TAFA2: variants seen among roughly 807,000 people sequenced by gnomAD.
The protein encoded by TAFA2 is chemokine-like protein TAFA-2.
In TAFA2, 7 loss-of-function variants were observed where a neutral mutation model predicts 18.8. The ratio of observed to expected loss-of-function variants is 0.37; its 90% confidence interval spans 0.21 to 0.70. TAFA2 has a LOEUF of 0.70. TAFA2 is among the 30% of genes least tolerant of loss of function. TAFA2 has a pLI of 0.53. For synonymous variants in TAFA2, 60 were observed against 54.2 expected (o/e 1.11, Z -0.47); for missense variants, 122 against 158.1 (o/e 0.77, Z 1.23).
At chr12:61,844,561 A>G (rs1037873611) in intron 2 of TAFA2, among the ~76,000 whole-genome samples, 1 of 152,136 alleles carries the variant, frequency 6.6e-6, no homozygotes, top group African/African-American at 2.4e-5. Flanking sequence ...TATAGGAATT[A>G]GGTTTTAAAG....
Position 61,716,188 on chromosome 12 carries a change from G to A in TAFA2, c.385-5771C>T, listed in dbSNP as rs190931755. Among the ~76,000 whole-genome samples, 558 of 152,260 alleles carry A rather than the reference G, an allele frequency of 3.7e-3. 1 individual carries two copies. Among genetic ancestry groups the A allele is most frequent in the Middle Eastern group, 0.01 (3 of 294 alleles). On this transcript the variant is annotated intron_variant, in intron 4 of 4. Transcript: ENST00000416284. The stretch of plus-strand genomic sequence containing the variant: ...ATGTGTAAATTTTTGGCCATCCAAT[G>A]TATTAAATTCCCAGGTTTTGCCTCT...
intron 1 of TAFA2, among the ~76,000 whole-genome samples, chr12:62,054,417 G>A (rs1882134531): frequency 6.6e-6 from 1 of 152,140 alleles, no homozygotes; most frequent in South Asian, 2.1e-4. Flanking sequence ...TCGAATCTAA[G>A]TCTGAGATCA....
chr12:61,878,071 T>C, intron 1 of TAFA2: 1 of 455,382 alleles, frequency 2.2e-6, no homozygotes, highest in Non-Finnish European at 4.4e-6. Flanking sequence ...TGTGTGGTCC[T>C]ACTTACATGA....
intron 1 of TAFA2, among the ~76,000 whole-genome samples, chr12:62,118,145 C>T (rs1401709934): frequency 6.6e-6 from 1 of 152,112 alleles, no homozygotes; most frequent in East Asian, 1.9e-4. Flanking sequence ...TCATTATTCC[C>T]TTTATTCCCT....
chr12:62,075,025 GACT>G (rs1882726791), intron 1 of TAFA2, among the ~76,000 whole-genome samples: 1 of 152,022 alleles, frequency 6.6e-6, no homozygotes, highest in African/African-American at 2.4e-5. Context: ...AAGATTTAAT[GACT>G]ACAAGAAACT....
At chr12:61,871,121 T>A (rs114612703) in intron 1 of TAFA2, among the ~76,000 whole-genome samples, 1 of 152,030 alleles carries the variant, frequency 6.6e-6, no homozygotes, top group Admixed American at 6.5e-5. Flanking sequence ...CGGGGGGGCA[T>A]GCAACAAGAC....
intron 1 of TAFA2, among the ~76,000 whole-genome samples, chr12:61,997,985 G>A (rs578218848): frequency 6.6e-6 from 1 of 152,132 alleles, no homozygotes; most frequent in African/African-American, 2.4e-5. Context: ...AAATAACTTA[G>A]ATCGATCCCC....
At chr12:62,167,154 T>C (rs2062446466) in intron 1 of TAFA2, among the ~76,000 whole-genome samples, 1 of 152,128 alleles carries the variant, frequency 6.6e-6, no homozygotes, top group Non-Finnish European at 1.5e-5. Flanking sequence ...TGTATTTATG[T>C]ATATATTTTT....
intron 4 of TAFA2, among the ~76,000 whole-genome samples, chr12:61,744,902 T>A (rs1323185375): frequency 6.6e-6 from 1 of 152,110 alleles, no homozygotes; most frequent in African/African-American, 2.4e-5. Flanking sequence ...GTGTCCTGTC[T>A]ACCTTGAACT....
chr12:62,060,867 G>A (rs1882329368), intron 1 of TAFA2, among the ~76,000 whole-genome samples: 1 of 151,706 alleles, frequency 6.6e-6, no homozygotes, highest in Non-Finnish European at 1.5e-5. Flanking sequence ...TATAGAATAA[G>A]AATTAAGAAC....
intron 2 of TAFA2, among the ~76,000 whole-genome samples, chr12:61,859,116 C>G (rs1874008843): frequency 1.3e-5 from 2 of 152,216 alleles, no homozygotes; most frequent in Admixed American, 6.5e-5. Context: ...TTAATTGACT[C>G]ACAGTTAAGC....
chr12:61,751,935 G>C (rs1477748764), intron 4 of TAFA2, among the ~76,000 whole-genome samples: 1 of 151,840 alleles, frequency 6.6e-6, no homozygotes, highest in Non-Finnish European at 1.5e-5. Flanking sequence ...GAAAGTTAGA[G>C]ATATTTTTAA....
intron 1 of TAFA2, among the ~76,000 whole-genome samples, chr12:61,934,609 C>T (rs1027226817): frequency 1.3e-5 from 2 of 152,190 alleles, no homozygotes; most frequent in Non-Finnish European, 2.9e-5. Context: ...TGGGAAAACC[C>T]TGCTTAAACG....
intron 2 of TAFA2, among the ~76,000 whole-genome samples, chr12:61,833,366 T>C (rs1872790259): frequency 6.6e-6 from 1 of 151,788 alleles, no homozygotes; most frequent in Non-Finnish European, 1.5e-5. Context: ...GCCTAGTCAG[T>C]AGAGTCAACT....
At chr12:62,012,394 T>C (rs1346895397) in intron 1 of TAFA2, among the ~76,000 whole-genome samples, 1 of 144,268 alleles carries the variant, frequency 6.9e-6, no homozygotes, top group African/African-American at 2.6e-5. Flanking sequence ...TATATCATCT[T>C]TCTCATATTT....
chr12:61,968,519 C>T (rs563089424), intron 1 of TAFA2, among the ~76,000 whole-genome samples: 1 of 151,714 alleles, frequency 6.6e-6, no homozygotes, highest in Non-Finnish European at 1.5e-5. Flanking sequence ...TTGCCTCAAG[C>T]CCCACATTCA....
intron 1 of TAFA2, among the ~76,000 whole-genome samples, chr12:61,870,029 T>A (rs1185074022): frequency 6.6e-6 from 1 of 152,162 alleles, no homozygotes; most frequent in African/African-American, 2.4e-5. Context: ...CCCAATGGGA[T>A]GACAGAACTG....
intron 1 of TAFA2, among the ~76,000 whole-genome samples, chr12:62,054,559 A>G (rs1419044142): frequency 6.6e-6 from 1 of 152,228 alleles, no homozygotes; most frequent in Non-Finnish European, 1.5e-5. Flanking sequence ...AATGTGAATT[A>G]CATTTTAAAG....
chr12:61,732,090 T>C (rs1349835385), intron 4 of TAFA2, among the ~76,000 whole-genome samples: 1 of 152,024 alleles, frequency 6.6e-6, no homozygotes, highest in East Asian at 1.9e-4. Flanking sequence ...GAGACAGGGA[T>C]GTACAATTTT....
Sources: gnomAD v4.1 joint callset for allele counts (sites outside exome capture counted in the v4.1 genomes callset) on GRCh38, gnomAD v4.1.1 for gene constraint, MANE v1.5 for transcripts, NCBI Gene and HGNC (gene_info 2026-07-23, HGNC 2026-07-21) for gene names.